The following ELP4 variants were observed in gnomAD, a reference collection of about 807,000 sequenced individuals.
The protein encoded by ELP4 is elongator complex protein 4.
In ELP4, 51 loss-of-function variants were observed where a neutral mutation model predicts 48.9. The observed-to-expected ratio is 1.04, with a 90% CI of 0.83 to 1.32. The LOEUF (loss-of-function observed/expected upper bound fraction) is 1.32. Among genes scored for constraint, ELP4 ranks in the 40% most tolerant of loss-of-function variants. ELP4 has a pLI of 0.00. For synonymous variants in ELP4, 210 were observed against 189.2 expected (o/e 1.11, Z -0.90); for missense variants, 519 against 514.6 (o/e 1.01, Z -0.08).
chr11:31,669,091 A>T (rs1264719042), intron 9 of ELP4, among the ~76,000 whole-genome samples: 2 of 93,920 alleles, frequency 2.1e-5, no homozygotes, highest in African/African-American at 3.2e-5. Flanking sequence ...TTTTTATTTT[A>T]TTTTATTTTT....
chr11:31,560,454 A>G (rs937649276), intron 3 of ELP4, among the ~76,000 whole-genome samples: 5 of 151,754 alleles, frequency 3.3e-5, no homozygotes, highest in African/African-American at 7.2e-5. Context: ...GAATCTTTCT[A>G]TAACTCAATA....
chr11:31,625,953 T>C (rs548260650), intron 5 of ELP4, among the ~76,000 whole-genome samples: 1 of 152,014 alleles, frequency 6.6e-6, no homozygotes, highest in South Asian at 2.1e-4. Flanking sequence ...AATAACTGTA[T>C]GAGAAATAGC....
chr11:31,583,729 C>T (rs1957427816), intron 3 of ELP4, among the ~76,000 whole-genome samples: 1 of 152,174 alleles, frequency 6.6e-6, no homozygotes, highest in Non-Finnish European at 1.5e-5. Context: ...TGTAAAACTT[C>T]ATATAGTAAA....
chr11:31,702,260 G>T lies in ELP4; in HGVS notation c.1143+52039G>T, dbSNP rs183693477. ...CAAAGCTGCAGTAAACTGTAATTGG[G>T]CCACTGCACTCCAGTCTGGGCAACA... On this transcript the variant is annotated intron_variant, in intron 9 of 9. Coordinates refer to ENST00000640961, the MANE Select transcript of ELP4 (RefSeq NM_019040.5). Among the ~76,000 whole-genome samples the T allele has an allele frequency of 3.9e-3, 598 of 152,034 alleles. 4 individuals are homozygous for T. Among genetic ancestry groups the T allele is most frequent in the Non-Finnish European group, 6.5e-3 (441 of 67,994 alleles).
intron 2 of ELP4, among the ~76,000 whole-genome samples, chr11:31,528,018 CTT>C (rs1462149902): frequency 1.3e-5 from 2 of 151,906 alleles, no homozygotes; most frequent in African/African-American, 2.4e-5. Flanking sequence ...TTATTTTCCT[CTT>C]GTTTTTGAAG....
chr11:31,522,548 A>G (rs541921313), intron 2 of ELP4, among the ~76,000 whole-genome samples: 2 of 152,238 alleles, frequency 1.3e-5, no homozygotes, highest in Admixed American at 6.5e-5. Flanking sequence ...ATAGTTCTCT[A>G]CTGAAAAATT....
At position 31,673,614 on chromosome 11, in the gene ELP4, C is replaced by G. The variant is rs573806131; in HGVS notation, c.1143+23393C>G. 5.3e-4 allele frequency among the ~76,000 whole-genome samples: 80 copies of G among 152,280 alleles called. 1 individual carries two copies. The highest frequency in any genetic ancestry group is 5.2e-3 in the Admixed American group (80 of 15,300). On this transcript the variant is annotated intron_variant, in intron 9 of 9. Transcript: ENST00000640961. The stretch of plus-strand genomic sequence containing the variant: ...AAAATGTTGGGATTACAGGCATGAG[C>G]CACTGCACCCAGCCTGACAGTAGTT...
chr11:31,515,033 G>GTGTGTA (rs1263600301), intron 1 of ELP4, among the ~76,000 whole-genome samples: 2,264 of 133,854 alleles, frequency 0.017, 34 homozygotes, highest in Non-Finnish European at 0.024. Flanking sequence ...GTGTGTGTGT[G>GTGTGTA]TATATATATA....
At chr11:31,668,829 CAAGGACT>C (rs1945742292) in intron 9 of ELP4, among the ~76,000 whole-genome samples, 1 of 151,866 alleles carries the variant, frequency 6.6e-6, no homozygotes, top group East Asian at 1.9e-4. Context: ...ATTGAACTTA[CAAGGACT>C]AATTATGTGA....
chr11:31,777,319 A>G (rs1332654090), intron 9 of ELP4, among the ~76,000 whole-genome samples: 1 of 152,150 alleles, frequency 6.6e-6, no homozygotes, highest in Non-Finnish European at 1.5e-5. Flanking sequence ...CAAAGGAAGG[A>G]GAAATTCTGT....
chr11:31,558,600 T>C (rs1956965828), intron 3 of ELP4, among the ~76,000 whole-genome samples: 1 of 152,178 alleles, frequency 6.6e-6, no homozygotes, highest in African/African-American at 2.4e-5. Context: ...AATTTCTATG[T>C]TACCACTTAA....
chr11:31,726,433 G>A (rs1461192125), intron 9 of ELP4, among the ~76,000 whole-genome samples: 1 of 152,154 alleles, frequency 6.6e-6, no homozygotes, highest in South Asian at 2.1e-4. Context: ...AAGGGAGACT[G>A]TAAGCAATAT....
At chr11:31,643,777 G>A (rs1028117203) in intron 7 of ELP4, among the ~76,000 whole-genome samples, 49 of 151,412 alleles carry the variant, frequency 3.2e-4, no homozygotes, top group African/African-American at 1.1e-3. Context: ...ATGGCAAACA[G>A]GAAACACTCT....
chr11:31,551,899 G>A (rs1447477479), intron 3 of ELP4, among the ~76,000 whole-genome samples: 2 of 152,108 alleles, frequency 1.3e-5, no homozygotes, highest in African/African-American at 4.8e-5. Context: ...TTATAAGTAA[G>A]AGATAGGAGA....
chr11:31,699,534 C>T (rs1946477214), intron 9 of ELP4, among the ~76,000 whole-genome samples: 1 of 152,068 alleles, frequency 6.6e-6, no homozygotes, highest in African/African-American at 2.4e-5. Context: ...TAGAAAATCA[C>T]CATTTGACAG....
intron 9 of ELP4, among the ~76,000 whole-genome samples, chr11:31,704,181 A>G (rs750449030): frequency 1.3e-5 from 2 of 152,018 alleles, no homozygotes; most frequent in Admixed American, 6.6e-5. Flanking sequence ...CTGTTCTTGT[A>G]GTTTGGATTT....
At chr11:31,732,743 A>G (rs1947218857) in intron 9 of ELP4, among the ~76,000 whole-genome samples, 1 of 152,222 alleles carries the variant, frequency 6.6e-6, no homozygotes, top group Non-Finnish European at 1.5e-5. Context: ...AATGGAAACC[A>G]AAATAGAGTA....
At chr11:31,722,934 A>G (rs1205452058) in intron 9 of ELP4, among the ~76,000 whole-genome samples, 1 of 152,176 alleles carries the variant, frequency 6.6e-6, no homozygotes, top group African/African-American at 2.4e-5. Flanking sequence ...GAAGTGGGGA[A>G]GTCGAGCCAG....
At chr11:31,773,156 G>A (rs1306255905) in intron 9 of ELP4, among the ~76,000 whole-genome samples, 1 of 152,168 alleles carries the variant, frequency 6.6e-6, no homozygotes, top group African/African-American at 2.4e-5. Context: ...CCAGGCTTGG[G>A]GTTTCTTTGC....
Sources: gnomAD v4.1 joint callset for allele counts (sites outside exome capture counted in the v4.1 genomes callset) on GRCh38, gnomAD v4.1.1 for gene constraint, MANE v1.5 for transcripts, NCBI Gene and HGNC (gene_info 2026-07-23, HGNC 2026-07-21) for gene names.